Variants in ERC1 observed in about 807,000 individuals in gnomAD.
ERC1 encodes ELKS/RAB6-interacting/CAST family member 1, also known as RAB6 interacting protein 2.
Under a neutral mutation model 132.0 loss-of-function variants are expected in ERC1, and 56 were observed. The observed-to-expected ratio is 0.42, with a 90% CI of 0.34 to 0.53. The LOEUF (loss-of-function observed/expected upper bound fraction) is 0.53, where lower values mean the gene tolerates loss of function less well. Ranked by LOEUF, ERC1 falls within the 20% of genes least tolerant of loss-of-function variation. The probability of loss-of-function intolerance (pLI) is 0.03; values close to 1 mark genes in which losing one functional copy is unlikely to be tolerated. For missense variants in ERC1, 1,202 were observed against 1,349.9 expected (o/e 0.89, Z 1.72); for synonymous variants, 478 against 476.1 (o/e 1.00, Z -0.05).
chr12:1,171,799 G>C (rs1157068998), intron 8 of ERC1, among the ~76,000 whole-genome samples: 3 of 152,110 alleles, frequency 2.0e-5, no homozygotes, highest in African/African-American at 7.2e-5. Flanking sequence ...CCAGTGATTT[G>C]GGCCTCAAAG....
intron 7 of ERC1, among the ~76,000 whole-genome samples, chr12:1,141,378 C>T (rs1202581184): frequency 6.6e-6 from 1 of 152,078 alleles, no homozygotes; most frequent in South Asian, 2.1e-4. Flanking sequence ...AGACTAAGGG[C>T]TTGATTTAGC....
At chr12:1,289,394 A>G (rs1022773923) in intron 14 of ERC1, among the ~76,000 whole-genome samples, 40 of 151,992 alleles carry the variant, frequency 2.6e-4, no homozygotes, top group African/African-American at 9.2e-4. Context: ...AAATAGGAAA[A>G]TTTTAGTTTA....
In ERC1 at chr12:1,304,945, A is replaced by T. The variant is rs550623450; in HGVS notation, c.2780+14933A>T. Among the ~76,000 whole-genome samples, 269 of 150,716 alleles carry T rather than the reference A, an allele frequency of 1.8e-3. 2 individuals carry two copies. Among genetic ancestry groups the T allele is most frequent in the Admixed American group, 4.7e-3 (72 of 15,166 alleles). On this transcript the variant is annotated intron_variant, in intron 15 of 18. Transcript: ENST00000360905. ...GCTGGGACTACAGGCGCCCGCCCCC[A>T]CGCCCGGCTAATTTTTTGTATTTTT...
intron 2 of ERC1, among the ~76,000 whole-genome samples, chr12:1,047,221 T>C (rs1343049666): frequency 6.6e-6 from 1 of 152,168 alleles, no homozygotes; most frequent in African/African-American, 2.4e-5. Flanking sequence ...TGGTGGAGGG[T>C]AACTGTTTCT....
At chr12:1,346,622 G>A (rs530181805) in intron 15 of ERC1, among the ~76,000 whole-genome samples, 2 of 152,306 alleles carry the variant, frequency 1.3e-5, no homozygotes, top group East Asian at 1.9e-4. Flanking sequence ...AGGAAACAGC[G>A]TGTTGTGACA....
At chr12:1,228,728 G>T (rs1287354613) in intron 12 of ERC1, among the ~76,000 whole-genome samples, 1 of 152,090 alleles carries the variant, frequency 6.6e-6, no homozygotes, top group African/African-American at 2.4e-5. Flanking sequence ...TTTATTGAGA[G>T]TCTTTATCAT....
chr12:1,186,200 A>T (rs748775418), intron 11 of ERC1, among the ~76,000 whole-genome samples: 4 of 152,244 alleles, frequency 2.6e-5, no homozygotes, highest in Non-Finnish European at 4.4e-5. Context: ...AACCATTTTA[A>T]GGGACTAAAT....
chr12:1,395,830 C>A (rs1337939308), intron 16 of ERC1, among the ~76,000 whole-genome samples: 1 of 151,792 alleles, frequency 6.6e-6, no homozygotes, highest in East Asian at 1.9e-4. Context: ...AAGTAGTTTT[C>A]ATGGGAAATA....
At chr12:1,082,975 GAA>G (rs1565930475) in intron 2 of ERC1, among the ~76,000 whole-genome samples, 187 bp from the exon 3 acceptor site, 3 of 152,154 alleles carry the variant, frequency 2.0e-5, no homozygotes, top group Admixed American at 2.0e-4. Context: ...AGAATAAACT[GAA>G]GTTAAATTAC....
intron 15 of ERC1, among the ~76,000 whole-genome samples, chr12:1,325,409 A>T (rs990109429): frequency 3.3e-5 from 5 of 152,192 alleles, no homozygotes; most frequent in African/African-American, 1.2e-4. Context: ...TAATTGTGCC[A>T]AGTATCCATT....
In ERC1 at chr12:1,107,548, A is replaced by G. The variant is rs367574576; in HGVS notation, c.1162-2644A>G. Reference sequence around the variant, plus strand: ...GATGATGATAGGATCCATCAGTCCTATAAACTGGATCACCCAAATGGACTG... The same window carrying G: ...GATGATGATAGGATCCATCAGTCCTGTAAACTGGATCACCCAAATGGACTG... On this transcript the variant is annotated intron_variant, in intron 4 of 18. Transcript: ENST00000360905. Among the ~76,000 whole-genome samples the G allele has an allele frequency of 8.5e-5, 13 of 152,344 alleles. No homozygotes were observed. The East Asian group carries it at 1.2e-3, about 14-fold the overall frequency.
intron 7 of ERC1, among the ~76,000 whole-genome samples, chr12:1,139,815 C>T (rs531522210): frequency 6.7e-6 from 1 of 149,066 alleles, no homozygotes; most frequent in East Asian, 2.0e-4. Context: ...AAAAGAAGGA[C>T]GATAGATCAG....
chr12:1,184,891 T>C (rs994774619), intron 11 of ERC1, among the ~76,000 whole-genome samples: 1 of 152,082 alleles, frequency 6.6e-6, no homozygotes, highest in Non-Finnish European at 1.5e-5. Context: ...GAGCTGGGAC[T>C]ACAGACCCAT....
At chr12:1,020,216 A>G (rs1329879536) in intron 1 of ERC1, among the ~76,000 whole-genome samples, 4 of 152,184 alleles carry the variant, frequency 2.6e-5, no homozygotes, top group Non-Finnish European at 4.4e-5. Flanking sequence ...CAGCACTTTG[A>G]GAGACCAAGG....
At chr12:1,033,756 A>G (rs1472673644) in intron 2 of ERC1, among the ~76,000 whole-genome samples, 5 of 152,048 alleles carry the variant, frequency 3.3e-5, no homozygotes, top group African/African-American at 7.2e-5. Flanking sequence ...CAGCCTCCCA[A>G]GTAGCTGGGA....
At chr12:1,440,004 T>G (rs1042532757) in intron 17 of ERC1, among the ~76,000 whole-genome samples, 2 of 152,168 alleles carry the variant, frequency 1.3e-5, no homozygotes, top group African/African-American at 4.8e-5. Context: ...ACTATACTAG[T>G]TGGGCAGTTT....
At chr12:1,307,599 CTG>C (rs1302724883) in intron 15 of ERC1, among the ~76,000 whole-genome samples, 2 of 152,182 alleles carry the variant, frequency 1.3e-5, no homozygotes, top group Non-Finnish European at 2.9e-5. Context: ...GGTTCCAGAG[CTG>C]TGTTTGGTTT....
chr12:1,448,006 C>G (rs1173127015), intron 18 of ERC1, among the ~76,000 whole-genome samples: 1 of 152,026 alleles, frequency 6.6e-6, no homozygotes, highest in Non-Finnish European at 1.5e-5. Flanking sequence ...TTCAATATGC[C>G]TAGATGGACT....
chr12:1,219,099 C>T (rs1430857260), intron 12 of ERC1, among the ~76,000 whole-genome samples: 2 of 152,068 alleles, frequency 1.3e-5, no homozygotes, highest in Non-Finnish European at 2.9e-5. Context: ...TCTTGAACTA[C>T]TGACCTCAGG....
Sources: allele counts gnomAD v4.1 joint callset (sites outside exome capture counted in the v4.1 genomes callset), GRCh38; gene constraint gnomAD v4.1.1; transcripts MANE v1.5; gene names NCBI Gene and HGNC (gene_info 2026-07-23, HGNC 2026-07-21).